Variants in LNX1 observed in about 807,000 individuals in gnomAD.
The protein encoded by LNX1 is E3 ubiquitin-protein ligase LNX.
A neutral mutation model predicts 68.4 loss-of-function variants in LNX1; 54 were observed. The ratio of observed to expected loss-of-function variants is 0.79; its 90% CI spans 0.63 to 0.99. LNX1 has a LOEUF of 0.99. Among genes scored for constraint, LNX1 ranks in the 50% least tolerant of loss-of-function variants. The pLI, the probability that LNX1 is intolerant of heterozygous loss-of-function variation, is 0.00. For missense variants in LNX1, 906 were observed against 926.4 expected, an observed-to-expected ratio of 0.98 and a Z score of 0.29; for synonymous variants, 336 against 350.0, an observed-to-expected ratio of 0.96 and a Z score of 0.45.
chr4:53,461,160 T>A (rs1722024115), intron 10 of LNX1, 118 bp from the exon 11 acceptor site: 3 of 821,590 alleles, frequency 3.7e-6, no homozygotes. Context: ...TTATGTTAAC[T>A]TCTAATTGAG....
intron 6 of LNX1, among the ~76,000 whole-genome samples, chr4:53,487,005 A>C (rs1724352975): frequency 6.6e-6 from 1 of 152,156 alleles, no homozygotes. Flanking sequence ...TTGCACTGTG[A>C]CCTCTTGCCA....
chr4:53,643,240 T>A (rs1734756785), intron 1 of LNX1, among the ~76,000 whole-genome samples: 1 of 151,996 alleles, frequency 6.6e-6, no homozygotes, highest in African/African-American at 2.4e-5. Flanking sequence ...AGCCTCAAAT[T>A]CCCAGGCTCA....
At chr4:53,623,645 T>A (rs76577510) in intron 1 of LNX1, among the ~76,000 whole-genome samples, 10 of 152,288 alleles carry the variant, frequency 6.6e-5, no homozygotes, top group Non-Finnish European at 1.3e-4. Flanking sequence ...TTTTAGCCAA[T>A]CAAATTCTCA....
At chr4:53,610,664 C>T (rs1370975131) in intron 2 of LNX1, among the ~76,000 whole-genome samples, 1 of 145,474 alleles carries the variant, frequency 6.9e-6, no homozygotes, top group Admixed American at 7.1e-5. Context: ...GCCGAGATCG[C>T]ACCACTGTAC....
intron 2 of LNX1, among the ~76,000 whole-genome samples, chr4:53,560,396 T>A (rs1730202062): frequency 6.6e-6 from 1 of 152,240 alleles, no homozygotes; most frequent in African/African-American, 2.4e-5. Flanking sequence ...TGTTGTTTTT[T>A]ATGTTGCTAT....
intron 3 of LNX1, 123 bp downstream of exon 3, chr4:53,507,863 G>C (rs1726023523): frequency 7.6e-7 from 1 of 1,317,488 alleles, no homozygotes; most frequent in East Asian, 2.5e-5. Context: ...TTGGGTTCCT[G>C]CCAAAACTAC....
chr4:53,610,801 C>G (rs948633165), intron 2 of LNX1, among the ~76,000 whole-genome samples: 1 of 149,456 alleles, frequency 6.7e-6, no homozygotes, highest in African/African-American at 2.5e-5. Flanking sequence ...AAGGCAAAAG[C>G]TTAAATTACT....
rs570808118 is a variant in LNX1, at chr4:53,570,750, G to A, written c.380+2873C>T. On this transcript the variant is annotated intron_variant, in intron 2 of 10. Coordinates refer to ENST00000263925, the MANE Select transcript of LNX1 (RefSeq NM_001126328.3). ...TTCAAAAAAAAAGAATCTTTTGGCT[G>A]GGCGTGGTGGCTCACGCCTGTAATC... Among the ~76,000 whole-genome samples, 18 of 151,634 alleles carry A rather than the reference G, an allele frequency of 1.2e-4. No homozygotes were observed. In the South Asian group the frequency reaches 3.7e-3, roughly 32 times the overall value.
chr4:53,636,562 C>G (rs1734489672), intron 1 of LNX1, among the ~76,000 whole-genome samples: 1 of 152,094 alleles, frequency 6.6e-6, no homozygotes, highest in Non-Finnish European at 1.5e-5. Flanking sequence ...GATGATAATG[C>G]CCATATTGTG....
chr4:53,528,490 CG>C (rs1727787555), intron 2 of LNX1, among the ~76,000 whole-genome samples: 1 of 152,036 alleles, frequency 6.6e-6, no homozygotes, highest in South Asian at 2.1e-4. Flanking sequence ...AGATAGACCA[CG>C]TATGCACAAT....
At chr4:53,535,393 T>A (rs536336522) in intron 2 of LNX1, among the ~76,000 whole-genome samples, 2 of 152,336 alleles carry the variant, frequency 1.3e-5, no homozygotes, top group East Asian at 3.9e-4. Context: ...TTGTCACAAA[T>A]GAAATCTCTC....
chr4:53,519,841 C>T (rs1194607481), intron 2 of LNX1, among the ~76,000 whole-genome samples: 4 of 152,184 alleles, frequency 2.6e-5, no homozygotes, highest in African/African-American at 7.2e-5. Flanking sequence ...CGCAGGTTTG[C>T]GCAGTTTGCA....
chr4:53,557,742 G>A, intron 2 of LNX1: 1 of 1,011,064 alleles, frequency 9.9e-7, no homozygotes, highest in Non-Finnish European at 1.4e-6. Flanking sequence ...ACTGCTGGCA[G>A]GGTGCTTTGT....
chr4:53,590,787 G>A (rs1249027842), intron 1 of LNX1, among the ~76,000 whole-genome samples: 1 of 152,168 alleles, frequency 6.6e-6, no homozygotes, highest in African/African-American at 2.4e-5. Context: ...ACACTGCAAA[G>A]TCGTATTTAA....
intron 2 of LNX1, among the ~76,000 whole-genome samples, chr4:53,541,756 T>A (rs1437814951): frequency 6.6e-6 from 1 of 151,856 alleles, no homozygotes; most frequent in Non-Finnish European, 1.5e-5. Flanking sequence ...TAAAAAAAAG[T>A]AGGCCAAGAA....
chr4:53,483,954 C>A (rs1455552493), intron 6 of LNX1, among the ~76,000 whole-genome samples: 1 of 152,104 alleles, frequency 6.6e-6, no homozygotes, highest in Non-Finnish European at 1.5e-5. Context: ...GGAGGTAGGG[C>A]CTTTGGGAGG....
intron 1 of LNX1, among the ~76,000 whole-genome samples, chr4:53,585,677 G>T (rs1227264377): frequency 6.6e-6 from 1 of 152,100 alleles, no homozygotes; most frequent in East Asian, 1.9e-4. Flanking sequence ...GGCAGAGATT[G>T]GAATTATGCA....
intron 7 of LNX1, among the ~76,000 whole-genome samples, chr4:53,479,583 G>T (rs1401616728): frequency 6.6e-6 from 1 of 152,108 alleles, no homozygotes; most frequent in Non-Finnish European, 1.5e-5. Context: ...TCACACCCAG[G>T]GTTACCTGAC....
At chr4:53,575,588 G>T in intron 1 of LNX1, 1 of 1,281,472 alleles carries the variant, frequency 7.8e-7, no homozygotes. Flanking sequence ...AACTTTCATG[G>T]TGATTAAGAA....
Sources: allele counts gnomAD v4.1 joint callset (sites outside exome capture counted in the v4.1 genomes callset), GRCh38; gene constraint gnomAD v4.1.1; transcripts MANE v1.5; gene names NCBI Gene and HGNC (gene_info 2026-07-23, HGNC 2026-07-21).